The following FSHR variants were observed in gnomAD, a reference collection of about 807,000 sequenced individuals.
FSHR encodes follicle-stimulating hormone receptor.
Under a neutral mutation model 52.1 loss-of-function variants are expected in FSHR, and 46 were observed. That is an observed-to-expected ratio of 0.88 (90% CI 0.70 to 1.13). The LOEUF (loss-of-function observed/expected upper bound fraction) is 1.13, where lower values mean the gene tolerates loss of function less well. Among genes scored for constraint, FSHR ranks in the 50% most tolerant of loss-of-function variants. The pLI is 0.00. For synonymous variants in FSHR, 399 were observed against 309.6 expected (o/e 1.29, Z -3.03); for missense variants, 964 against 834.6 (o/e 1.16, Z -1.91).
chr2:49,078,075 A>C (rs1847464), intron 1 of FSHR, among the ~76,000 whole-genome samples: 79,553 of 151,986 alleles, frequency 0.52, 21,348 homozygotes, highest in East Asian at 0.76. Flanking sequence ...CTACTGGTAC[A>C]AATTTACTGT....
chr2:49,098,679 T>C lies in FSHR; in HGVS notation c.153-30389A>G, dbSNP rs144356745. Among the ~76,000 whole-genome samples the C allele has an allele frequency of 5.0e-3, 756 of 149,716 alleles. 2 individuals carry two copies. Among genetic ancestry groups the C allele is most frequent in the Non-Finnish European group, 8.2e-3 (556 of 67,550 alleles). On this transcript the variant is annotated intron_variant, in intron 1 of 9. Coordinates refer to ENST00000406846, the MANE Select transcript of FSHR (RefSeq NM_000145.4). ...CATATTAAGAAAAGGGAATAATGTG[T>C]GTATGTGTGTGTATGTGTACATATA...
chr2:49,000,806 C>T (rs1666849361), intron 4 of FSHR, among the ~76,000 whole-genome samples: 1 of 152,174 alleles, frequency 6.6e-6, no homozygotes, highest in South Asian at 2.1e-4. Context: ...TTGGGGAACA[C>T]AGTGACCAGT....
At chr2:49,065,322 T>G (rs1370608245) in intron 2 of FSHR, among the ~76,000 whole-genome samples, 2 of 152,050 alleles carry the variant, frequency 1.3e-5, no homozygotes, top group Non-Finnish European at 2.9e-5. Context: ...GCATGGAAGC[T>G]TCATACAGTA....
intron 4 of FSHR, among the ~76,000 whole-genome samples, chr2:49,013,579 G>A (rs1667371985): frequency 6.8e-6 from 1 of 146,286 alleles, no homozygotes; most frequent in Admixed American, 7.0e-5. Context: ...ATTGCAGGTA[G>A]AAGTGCCTTT....
intron 8 of FSHR, 74 bp downstream of exon 8, chr2:48,982,838 C>A (rs1016605133): frequency 5.4e-6 from 7 of 1,288,940 alleles, no homozygotes; most frequent in South Asian, 1.2e-5. Context: ...AAGCTTCTCC[C>A]CTAGCTGCAG....
In FSHR at chr2:48,968,682, TA is replaced by T; in HGVS notation, c.854+15del. ...ATTGGGGAAATGCCTGAGCAGGGCTTAAAGGATGGACTCACATTTGCCGTCT... is the reference window on the plus strand; with the variant it reads ...ATTGGGGAAATGCCTGAGCAGGGCTTAAGGATGGACTCACATTTGCCGTCT... On this transcript the variant is annotated intron_variant, in intron 9 of 9. Transcript: ENST00000406846. The T allele has an allele frequency of 1.2e-6, 2 of 1,613,828 alleles. No homozygotes were observed. The highest frequency in any genetic ancestry group is 8.5e-7 in the Non-Finnish European group (1 of 1,179,738).
chr2:49,040,768 A>T (rs1668453172), intron 2 of FSHR, among the ~76,000 whole-genome samples: 1 of 152,214 alleles, frequency 6.6e-6, no homozygotes, highest in African/African-American at 2.4e-5. Context: ...GGACTGGGAA[A>T]AGATGATAAA....
At chr2:49,132,302 T>C (rs1055205814) in intron 1 of FSHR, among the ~76,000 whole-genome samples, 2 of 152,200 alleles carry the variant, frequency 1.3e-5, no homozygotes, top group Non-Finnish European at 2.9e-5. Context: ...CTTCAGTCAA[T>C]GTTCAGGACT....
intron 1 of FSHR, among the ~76,000 whole-genome samples, chr2:49,150,979 A>C (rs573478130): frequency 5.1e-4 from 77 of 152,202 alleles, no homozygotes; most frequent in Non-Finnish European, 9.1e-4. Context: ...ATGAAATTCA[A>C]ATTTCTGTGT....
intron 4 of FSHR, among the ~76,000 whole-genome samples, chr2:48,995,358 G>A (rs572664202): frequency 6.6e-6 from 1 of 152,080 alleles, no homozygotes; most frequent in Admixed American, 6.6e-5. Context: ...AATATGGGCT[G>A]GAGTAGCCAA....
At chr2:49,136,080 A>G (rs1369849636) in intron 1 of FSHR, among the ~76,000 whole-genome samples, 1 of 152,110 alleles carries the variant, frequency 6.6e-6, no homozygotes, top group African/African-American at 2.4e-5. Flanking sequence ...TCCCAAAGCT[A>G]GTTCTTTGAA....
At chr2:49,068,350 T>TG in intron 1 of FSHR, 60 bp from the exon 2 acceptor site, 1 of 1,378,890 alleles carries the variant, frequency 7.3e-7, no homozygotes, top group Non-Finnish European at 1.0e-6. Context: ...ATTGAGTTGC[T>TG]AATGTATTCA....
intron 1 of FSHR, among the ~76,000 whole-genome samples, chr2:49,116,032 G>A (rs1420807668): frequency 6.6e-6 from 1 of 152,140 alleles, no homozygotes; most frequent in African/African-American, 2.4e-5. Flanking sequence ...AGAGAAGAGA[G>A]CGAGGAGACT....
chr2:49,145,589 A>G (rs1672841319), intron 1 of FSHR, among the ~76,000 whole-genome samples: 2 of 152,090 alleles, frequency 1.3e-5, no homozygotes, highest in South Asian at 4.1e-4. Context: ...TGCACAAAGC[A>G]ACATGCAATT....
chr2:48,974,046 G>A (rs1674865276), intron 8 of FSHR, among the ~76,000 whole-genome samples: 1 of 151,436 alleles, frequency 6.6e-6, no homozygotes, highest in Non-Finnish European at 1.5e-5. Flanking sequence ...ATAAAAATGA[G>A]AGGCTGGAGA....
At chr2:49,020,495 G>C (rs961252338) in intron 2 of FSHR, among the ~76,000 whole-genome samples, 1 of 142,584 alleles carries the variant, frequency 7.0e-6, no homozygotes, top group Non-Finnish European at 1.5e-5. Context: ...CCTAGACCAC[G>C]GGTCAGTAAA....
chr2:48,987,837 A>AACACAC (rs72108367), intron 6 of FSHR, among the ~76,000 whole-genome samples: 3,582 of 146,088 alleles, frequency 0.025, 116 homozygotes, highest in African/African-American at 0.079. Flanking sequence ...ACCTCATCTC[A>AACACAC]ACACACACAC....
At chr2:49,108,866 C>A (rs1671327849) in intron 1 of FSHR, among the ~76,000 whole-genome samples, 1 of 152,036 alleles carries the variant, frequency 6.6e-6, no homozygotes, top group African/African-American at 2.4e-5. Context: ...TTTAAAGAAT[C>A]CTTTATATAT....
chr2:48,972,500 C>A (rs1005173493), intron 8 of FSHR, among the ~76,000 whole-genome samples: 1 of 152,186 alleles, frequency 6.6e-6, no homozygotes, highest in Non-Finnish European at 1.5e-5. Context: ...TTAGAGATTT[C>A]CAACTTTTTT....
Sources: gnomAD v4.1 joint callset for allele counts (sites outside exome capture counted in the v4.1 genomes callset) on GRCh38, gnomAD v4.1.1 for gene constraint, MANE v1.5 for transcripts, NCBI Gene and HGNC (gene_info 2026-07-23, HGNC 2026-07-21) for gene names.